The following ARL8B variants were observed in gnomAD, a reference collection of about 807,000 sequenced individuals.
ARL8B encodes ARF like GTPase 8B, also known as ADP-ribosylation factor-like protein 8B.
A neutral mutation model predicts 30.6 loss-of-function variants in ARL8B; 9 were observed. The ratio of observed to expected loss-of-function variants is 0.29; its 90% CI spans 0.18 to 0.51. ARL8B has a LOEUF of 0.51. Among genes scored for constraint, ARL8B ranks in the 20% least tolerant of loss-of-function variants. The pLI is 0.97. For missense variants in ARL8B, 130 were observed against 227.2 expected (o/e 0.57, Z 2.75); for synonymous variants, 74 against 76.0 (o/e 0.97, Z 0.14).
At chr3:5,174,148 A>G in intron 5 of ARL8B, 64 bp downstream of exon 5, 3 of 1,422,046 alleles carry the variant, frequency 2.1e-6, no homozygotes, top group Non-Finnish European at 3.0e-6. Context: ...CCCACTTGTT[A>G]TGTTATTCCT....
At chr3:5,128,521 C>T in intron 1 of ARL8B, 1 of 439,048 alleles carries the variant, frequency 2.3e-6, no homozygotes, top group Non-Finnish European at 4.5e-6. Flanking sequence ...ATAATGCATT[C>T]TAAATGCCTG....
chr3:5,124,058 G>A (rs1025766413), intron 1 of ARL8B, among the ~76,000 whole-genome samples: 2 of 151,880 alleles, frequency 1.3e-5, no homozygotes, highest in Non-Finnish European at 2.9e-5. Flanking sequence ...TAGTAGAGAT[G>A]GGTTTTGCTT....
chr3:5,161,861 C>T (rs2054587505), intron 1 of ARL8B, among the ~76,000 whole-genome samples: 1 of 152,148 alleles, frequency 6.6e-6, no homozygotes, highest in South Asian at 2.1e-4. Context: ...CATACAGTCT[C>T]CTCTGTTTTG....
chr3:5,178,506 C>G (rs2054750257), intron 6 of ARL8B, among the ~76,000 whole-genome samples, 158 bp from the exon 7 acceptor site: 1 of 152,198 alleles, frequency 6.6e-6, no homozygotes, highest in Non-Finnish European at 1.5e-5. Flanking sequence ...CTCATATTCT[C>G]TTGAAGTTCG....
At chr3:5,169,567 C>T (rs341983) in intron 1 of ARL8B, among the ~76,000 whole-genome samples, 102,099 of 130,760 alleles carry the variant, frequency 0.78, 36,727 homozygotes, top group South Asian at 0.85. Flanking sequence ...TGTTTTTTTT[C>T]TTTTCCTCTT....
chr3:5,132,534 C>T (rs1344143534), intron 1 of ARL8B, among the ~76,000 whole-genome samples: 7 of 152,142 alleles, frequency 4.6e-5, no homozygotes, highest in South Asian at 2.1e-4. Flanking sequence ...CCACTGCGCC[C>T]GGCTCCTCTC....
intron 1 of ARL8B, among the ~76,000 whole-genome samples, chr3:5,125,145 A>T (rs1391944869): frequency 2.0e-5 from 3 of 152,078 alleles, no homozygotes; most frequent in Non-Finnish European, 2.9e-5. Context: ...TTACTTTCCC[A>T]TCTATTAAAT....
At chr3:5,134,757 A>G (rs2054310829) in intron 1 of ARL8B, among the ~76,000 whole-genome samples, 1 of 152,192 alleles carries the variant, frequency 6.6e-6, no homozygotes, top group Non-Finnish European at 1.5e-5. Context: ...CAGTCTAATA[A>G]TGGATTTATA....
intron 4 of ARL8B, among the ~76,000 whole-genome samples, chr3:5,173,323 G>A (rs2054693400): frequency 6.6e-6 from 1 of 152,212 alleles, no homozygotes; most frequent in Non-Finnish European, 1.5e-5. Context: ...TTAGGAATTT[G>A]CATTTGGATT....
At chr3:5,161,886 AT>A (rs1362764155) in intron 1 of ARL8B, among the ~76,000 whole-genome samples, 2 of 152,082 alleles carry the variant, frequency 1.3e-5, no homozygotes, top group East Asian at 3.9e-4. Flanking sequence ...GCATATATTT[AT>A]TGGGTGATAT....
chr3:5,178,746 C>T lies in ARL8B; in HGVS notation c.*33C>T. 1 of 1,610,836 alleles carries T rather than the reference C, an allele frequency of 6.2e-7. No homozygotes were observed. Among genetic ancestry groups the T allele is most frequent in the Non-Finnish European group, 8.5e-7 (1 of 1,179,390 alleles). On this transcript the variant is annotated 3_prime_UTR_variant, in exon 7 of 7. Coordinates refer to ENST00000256496, the MANE Select transcript of ARL8B (RefSeq NM_018184.3). ...CCTGAAGTCTTCCAGTCCTTCTTGG[C>T]TATAATCCTAGAATTATTGTCCGTT...
intron 1 of ARL8B, among the ~76,000 whole-genome samples, chr3:5,123,100 C>A (rs2054197858): frequency 6.6e-6 from 1 of 152,212 alleles, no homozygotes; most frequent in Non-Finnish European, 1.5e-5. Flanking sequence ...TTCCTGAATT[C>A]TGTGGGCCGC....
chr3:5,134,799 T>C (rs1040618742), intron 1 of ARL8B, among the ~76,000 whole-genome samples: 1 of 152,224 alleles, frequency 6.6e-6, no homozygotes, highest in Admixed American at 6.5e-5. Flanking sequence ...TTTTGGAACA[T>C]GCGGACATTA....
chr3:5,168,527 G>C (rs1553583263), intron 1 of ARL8B, among the ~76,000 whole-genome samples: 1 of 152,212 alleles, frequency 6.6e-6, no homozygotes, highest in Non-Finnish European at 1.5e-5. Context: ...GGTTGGCCAA[G>C]GTAAAGAAAA....
At chr3:5,176,822 T>C (rs1040457482) in intron 6 of ARL8B, among the ~76,000 whole-genome samples, 1 of 152,206 alleles carries the variant, frequency 6.6e-6, no homozygotes, top group Non-Finnish European at 1.5e-5. Flanking sequence ...TATTTCTACA[T>C]CAGTGGTTCT....
Position 5,178,776 on chromosome 3 carries a change from T to C in ARL8B, c.*63T>C. ...ATCCTAGAATTATTGTCCGTTCCTC[T>C]GAAGTAATTCCCAGAATACGGTCCT... On this transcript the variant is annotated 3_prime_UTR_variant, in exon 7 of 7. Coordinates refer to ENST00000256496, the MANE Select transcript of ARL8B (RefSeq NM_018184.3). 1 of 1,607,648 alleles carries C rather than the reference T, an allele frequency of 6.2e-7. No individual in the cohort carries two copies. Among genetic ancestry groups the C allele is most frequent in the South Asian group, 1.1e-5 (1 of 90,716 alleles).
At chr3:5,134,697 C>G (rs1383337265) in intron 1 of ARL8B, among the ~76,000 whole-genome samples, 1 of 152,144 alleles carries the variant, frequency 6.6e-6, no homozygotes, top group Non-Finnish European at 1.5e-5. Context: ...ATCCTTGGTC[C>G]TCATAGCCCA....
chr3:5,154,629 A>C (rs1468873901), intron 1 of ARL8B, among the ~76,000 whole-genome samples: 2 of 152,160 alleles, frequency 1.3e-5, no homozygotes, highest in Admixed American at 6.6e-5. Context: ...CATCTCCAGG[A>C]ACTCTTTTTA....
At chr3:5,171,344 A>AATTTT (rs1231024018) in intron 2 of ARL8B, among the ~76,000 whole-genome samples, 1 of 152,046 alleles carries the variant, frequency 6.6e-6, no homozygotes, top group South Asian at 2.1e-4. Context: ...TGCATAAAAT[A>AATTTT]ATTTTATTTT....
Sources: allele counts gnomAD v4.1 joint callset (sites outside exome capture counted in the v4.1 genomes callset), GRCh38; gene constraint gnomAD v4.1.1; transcripts MANE v1.5; gene names NCBI Gene and HGNC (gene_info 2026-07-23, HGNC 2026-07-21).